The following NOX4 variants were observed in gnomAD, a reference collection of about 807,000 sequenced individuals.
NOX4 encodes the protein kidney oxidase-1.
NOX4 carries 69 observed loss-of-function variants against 87.6 expected under a neutral mutation model. The observed-to-expected ratio is 0.79, with a 90% CI of 0.65 to 0.96. The LOEUF (loss-of-function observed/expected upper bound fraction) is 0.96, where lower values mean the gene tolerates loss of function less well. Ranked by LOEUF, NOX4 falls within the 40% of genes least tolerant of loss-of-function variation. The pLI, the probability that NOX4 is intolerant of heterozygous loss-of-function variation, is 0.00. For missense variants in NOX4, 680 were observed against 681.5 expected, an observed-to-expected ratio of 1.00 and a Z score of 0.02; for synonymous variants, 275 against 238.2, an observed-to-expected ratio of 1.15 and a Z score of -1.42.
chr11:89,336,206 A>T (rs1329474430), intron 16 of NOX4: 1 of 282,354 alleles, frequency 3.5e-6, no homozygotes, highest in East Asian at 6.7e-5. Flanking sequence ...AGGTAGAAAA[A>T]TTTGATTTTT....
At chr11:89,405,095 T>C (rs1942095452) in intron 8 of NOX4, among the ~76,000 whole-genome samples, 1 of 151,240 alleles carries the variant, frequency 6.6e-6, no homozygotes, top group Non-Finnish European at 1.5e-5. Flanking sequence ...TGTGTGTGTG[T>C]GTGTGTGTGT....
chr11:89,488,987 A>T, intron 2 of NOX4: 1 of 702,730 alleles, frequency 1.4e-6, no homozygotes, highest in Non-Finnish European at 2.6e-6. Context: ...AGGTTTCAAG[A>T]CAGTTCCTGG....
upstream of NOX4, among the ~76,000 whole-genome samples, chr11:89,496,009 C>T (rs912514865): frequency 6.6e-6 from 1 of 152,018 alleles, no homozygotes; most frequent in East Asian, 1.9e-4. Flanking sequence ...TTTGAGTAAC[C>T]GAAAGGGACA....
chr11:89,330,007 ATTT>A (rs1299572188), intron 17 of NOX4, among the ~76,000 whole-genome samples: 1 of 152,110 alleles, frequency 6.6e-6, no homozygotes, highest in Non-Finnish European at 1.5e-5. Context: ...AATTTCTAAT[ATTT>A]TTAATATATG....
In NOX4 at chr11:89,347,402, C is replaced by G. The variant is rs114852596; in HGVS notation, c.1218-5209G>C. 4.3e-3 allele frequency among the ~76,000 whole-genome samples: 650 copies of G among 152,270 alleles called. 8 individuals are homozygous for G. Among genetic ancestry groups the G allele is most frequent in the African/African-American group, 0.015 (630 of 41,548 alleles). ...AGAAATGGCAGAACAGAGCTGACAA[C>G]GAGAATGGTGATGAGAATTCACTTT... On this transcript the variant is annotated intron_variant, in intron 13 of 17. Coordinates refer to ENST00000263317, the MANE Select transcript of NOX4 (RefSeq NM_016931.5).
At chr11:89,554,650 T>C in the NOX4 span, among the ~76,000 whole-genome samples, 3 of 152,184 alleles carry the variant, frequency 2.0e-5, no homozygotes, top group Non-Finnish European at 4.4e-5. Context: ...ATCTCATCTT[T>C]AGGGTGGATT....
intron 12 of NOX4, among the ~76,000 whole-genome samples, chr11:89,361,229 G>T (rs147903130): frequency 1.2e-3 from 187 of 152,164 alleles, no homozygotes; most frequent in South Asian, 3.5e-3. Flanking sequence ...AGTAGATAAA[G>T]AAAATGTGGT....
Position 89,340,139 on chromosome 11 carries a change from A to G in NOX4, c.1370T>C (p.Leu457Pro), listed in dbSNP as rs367612595. The change falls in exon 15 of 18, where the codon CTA (leucine) becomes CCA (proline). Residue 457 changes from leucine to proline, a missense_variant. Transcript: ENST00000263317. ...ATCTCTGCATACCCAAATAAAGTATAGTCTTCTAAGCTTGTATGGTTTCCA... is the reference window on the plus strand; with the variant it reads ...ATCTCTGCATACCCAAATAAAGTATGGTCTTCTAAGCTTGTATGGTTTCCA... ...DDWKPYKLRR[L>P]YFIWVCRDIQ... 8.8e-6 allele frequency: 14 copies of G among 1,595,130 alleles called. No homozygotes were observed. The highest frequency in any genetic ancestry group is 1.1e-5 in the Non-Finnish European group (13 of 1,173,490).
intron 6 of NOX4, among the ~76,000 whole-genome samples, chr11:89,435,434 C>G (rs1944034475): frequency 1.3e-5 from 2 of 152,000 alleles, no homozygotes; most frequent in Non-Finnish European, 2.9e-5. Context: ...AATAGAGCCA[C>G]AATTTCCAAA....
the NOX4 span, among the ~76,000 whole-genome samples, chr11:89,570,141 G>T: frequency 6.6e-6 from 1 of 152,180 alleles, no homozygotes; most frequent in Non-Finnish European, 1.5e-5. Flanking sequence ...AAGGAAATGT[G>T]GTAGACATGT....
Position 89,370,072 on chromosome 11 carries a change from C to T in NOX4, c.1135+3360G>A, listed in dbSNP as rs190808622. ...TTATCAACTCTTTTGTGGCCCAGTC[C>T]TTAACTAAACCTATATTTAAGATTA... On this transcript the variant is annotated intron_variant, in intron 12 of 17. Coordinates refer to ENST00000263317, the MANE Select transcript of NOX4 (RefSeq NM_016931.5). Among the ~76,000 whole-genome samples, 503 of 152,036 alleles carry T rather than the reference C, an allele frequency of 3.3e-3. 2 individuals carry two copies. Among genetic ancestry groups the T allele is most frequent in the Admixed American group, 7.1e-3 (108 of 15,220 alleles).
In NOX4 at chr11:89,398,232, T is replaced by C. The variant is rs183125727; in HGVS notation, c.1074+1785A>G. ...GACAAAAACCACTTGATTATCTCAA[T>C]AGATGCAGAAAAGGCCTTCAACAAA... On this transcript the variant is annotated intron_variant, in intron 11 of 17. Transcript: ENST00000263317. Among the ~76,000 whole-genome samples, 501 of 152,116 alleles carry C rather than the reference T, an allele frequency of 3.3e-3. 6 individuals carry two copies. The highest frequency in any genetic ancestry group is 0.012 in the African/African-American group (485 of 41,506).
intron 11 of NOX4, among the ~76,000 whole-genome samples, chr11:89,375,754 T>C (rs1939793735): frequency 6.6e-6 from 1 of 152,176 alleles, no homozygotes; most frequent in South Asian, 2.1e-4. Context: ...AAGTTGTAGC[T>C]CTCAGAACGC....
At chr11:89,396,179 T>A (rs941977837) in intron 11 of NOX4, among the ~76,000 whole-genome samples, 1 of 152,170 alleles carries the variant, frequency 6.6e-6, no homozygotes, top group African/African-American at 2.4e-5. Flanking sequence ...TTTTATTTTG[T>A]TGAGCAGTGG....
the NOX4 span, among the ~76,000 whole-genome samples, chr11:89,538,889 ATGAGGTTGGACCTC>A: frequency 6.6e-6 from 1 of 152,068 alleles, no homozygotes; most frequent in Non-Finnish European, 1.5e-5. Flanking sequence ...TGATGGTGTT[ATGAGGTTGGACCTC>A]TGGGAGAAAT....
intron 11 of NOX4, among the ~76,000 whole-genome samples, chr11:89,387,489 C>T (rs562300804): frequency 3.9e-5 from 6 of 152,226 alleles, no homozygotes; most frequent in African/African-American, 1.4e-4. Context: ...TGCCTGTACC[C>T]AGGTGATTAA....
intron 12 of NOX4, among the ~76,000 whole-genome samples, chr11:89,361,552 A>T (rs576779287): frequency 1.3e-5 from 2 of 152,090 alleles, no homozygotes; most frequent in Non-Finnish European, 2.9e-5. Context: ...AAAAATCACC[A>T]CTAAAGAATT....
chr11:89,475,173 T>C (rs753354764), intron 2 of NOX4, among the ~76,000 whole-genome samples: 1 of 152,054 alleles, frequency 6.6e-6, no homozygotes, highest in Non-Finnish European at 1.5e-5. Flanking sequence ...ATCACACTGC[T>C]ACTTAAAAAA....
chr11:89,345,960 G>C (rs1273545122), intron 13 of NOX4, among the ~76,000 whole-genome samples: 1 of 152,074 alleles, frequency 6.6e-6, no homozygotes, highest in East Asian at 1.9e-4. Context: ...AATCAAGTAG[G>C]AGAAAGAAAG....
Sources: allele counts gnomAD v4.1 joint callset (sites outside exome capture counted in the v4.1 genomes callset), GRCh38; gene constraint gnomAD v4.1.1; transcripts MANE v1.5; gene names NCBI Gene and HGNC (gene_info 2026-07-23, HGNC 2026-07-21).